Variants in CCDC30 observed in about 807,000 individuals in gnomAD.
The protein encoded by CCDC30 is coiled-coil domain containing 30.
A neutral mutation model predicts 100.2 loss-of-function variants in CCDC30; 70 were observed. The observed-to-expected ratio is 0.70, with a 90% CI of 0.58 to 0.85. The LOEUF is 0.85. CCDC30 is among the 40% of genes least tolerant of loss of function. The probability of loss-of-function intolerance (pLI) is 0.00; values close to 1 mark genes in which losing one functional copy is unlikely to be tolerated. For synonymous variants in CCDC30, 233 were observed against 269.5 expected, an observed-to-expected ratio of 0.86 and a Z score of 1.33; for missense variants, 652 against 771.2, an observed-to-expected ratio of 0.85 and a Z score of 1.83.
At chr1:42,564,596 T>G (rs553505105) in intron 6 of CCDC30, among the ~76,000 whole-genome samples, 6 of 152,216 alleles carry the variant, frequency 3.9e-5, no homozygotes, top group Non-Finnish European at 5.9e-5. Flanking sequence ...TGTTGTATGT[T>G]TGTGATGTAC....
intron 10 of CCDC30, among the ~76,000 whole-genome samples, chr1:42,603,359 C>T (rs1646441772): frequency 6.6e-6 from 1 of 152,178 alleles, no homozygotes; most frequent in Non-Finnish European, 1.5e-5. Context: ...TTAATCACCT[C>T]CCAAAGGCTA....
chr1:42,632,611 T>G (rs1647060265), intron 11 of CCDC30, among the ~76,000 whole-genome samples: 1 of 150,496 alleles, frequency 6.6e-6, no homozygotes, highest in African/African-American at 2.4e-5. Flanking sequence ...AAATACAAAA[T>G]TAGCCGGGCG....
rs577561537 is a variant in CCDC30, at chr1:42,539,024, G to C, written c.457-27272G>C. 6 of 502,382 alleles carry C rather than the reference G, an allele frequency of 1.2e-5. No homozygotes were observed. The Admixed American group carries it at 2.4e-4, about 20-fold the overall frequency. 31.1% of individuals were successfully genotyped at this position (502,382 alleles called of 1,614,324 possible). Reference sequence around the variant, plus strand: ...AAACTTTGTTTTAACTACTAAGAAAGGCATCGGTCTGCCAGAAGGATAGGT... The same window carrying C: ...AAACTTTGTTTTAACTACTAAGAAACGCATCGGTCTGCCAGAAGGATAGGT... On this transcript the variant is annotated intron_variant, in intron 6 of 16. Transcript: ENST00000668663.
chr1:42,595,138 A>C (rs1646259885), intron 10 of CCDC30: 1 of 152,158 alleles, frequency 6.6e-6, no homozygotes, highest in African/African-American at 2.4e-5. Context: ...CTTGGTCAGA[A>C]GCAATATTTT....
intron 11 of CCDC30, among the ~76,000 whole-genome samples, chr1:42,617,428 A>G (rs1022632407): frequency 6.6e-6 from 1 of 152,198 alleles, no homozygotes; most frequent in African/African-American, 2.4e-5. Flanking sequence ...GTAACACCCA[A>G]TGGGTTCTAC....
intron 1 of CCDC30, chr1:42,473,397 C>A: frequency 1.4e-6 from 1 of 717,642 alleles, no homozygotes; most frequent in Non-Finnish European, 1.9e-6. Context: ...GTTTGGCTAT[C>A]ACTGTATAGT....
At chr1:42,562,812 T>C (rs1251127124) in intron 6 of CCDC30, among the ~76,000 whole-genome samples, 2 of 152,138 alleles carry the variant, frequency 1.3e-5, no homozygotes, top group African/African-American at 4.8e-5. Flanking sequence ...CAGACACTTC[T>C]CAAAAGAAGA....
chr1:42,496,691 G>T (rs1039105657), intron 4 of CCDC30, among the ~76,000 whole-genome samples: 1 of 152,110 alleles, frequency 6.6e-6, no homozygotes, highest in Non-Finnish European at 1.5e-5. Context: ...TCTAAGAACA[G>T]ATATATAAAC....
chr1:42,519,918 T>A (rs1041323101), intron 6 of CCDC30, among the ~76,000 whole-genome samples: 9 of 152,210 alleles, frequency 5.9e-5, no homozygotes, highest in African/African-American at 2.2e-4. Context: ...TTATTCATAG[T>A]ACACTCTTAA....
chr1:42,612,771 AC>A (rs767791972), intron 11 of CCDC30, among the ~76,000 whole-genome samples: 3 of 152,166 alleles, frequency 2.0e-5, no homozygotes, highest in Non-Finnish European at 4.4e-5. Flanking sequence ...TGCTTGACCA[AC>A]AGTCAGTGCC....
At chr1:42,656,665 TAAATAA>T (rs576065551), downstream of CCDC30, among the ~76,000 whole-genome samples, 320 of 152,066 alleles carry the variant, frequency 2.1e-3, 1 homozygote, top group African/African-American at 6.7e-3. Context: ...AATAATAAAA[TAAATAA>T]AAAGTGTGTC....
intron 9 of CCDC30, among the ~76,000 whole-genome samples, chr1:42,588,768 A>G (rs1217818365): frequency 6.6e-6 from 1 of 152,130 alleles, no homozygotes; most frequent in Admixed American, 6.5e-5. Flanking sequence ...GCATCTGCTG[A>G]TCTCTAAGGG....
intron 8 of CCDC30, among the ~76,000 whole-genome samples, chr1:42,580,380 G>A (rs754906789): frequency 1.5e-4 from 23 of 150,362 alleles, no homozygotes; most frequent in Admixed American, 4.6e-4. Context: ...CTTAGAAAAC[G>A]GGTGACACCC....
At chr1:42,576,994 T>TG in intron 7 of CCDC30, 26 bp from the exon 12 acceptor site, 1 of 1,521,114 alleles carries the variant, frequency 6.6e-7, no homozygotes, top group Non-Finnish European at 9.1e-7. Flanking sequence ...TTATTTGTAT[T>TG]ACTCTTACTT....
intron 15 of CCDC30, among the ~76,000 whole-genome samples, chr1:42,646,697 C>A (rs1055323415): frequency 6.6e-6 from 1 of 152,200 alleles, no homozygotes; most frequent in Non-Finnish European, 1.5e-5. Context: ...CCAGGATAAC[C>A]CCTTTGGGAC....
At chr1:42,459,762 A>C (rs1216252018), upstream of CCDC30, 1 of 1,614,084 alleles carries the variant, frequency 6.2e-7, no homozygotes, top group Non-Finnish European at 8.5e-7. Flanking sequence ...GGTGGTGGCT[A>C]ATATCCTTGA....
chr1:42,530,326 AT>A (rs1443564612), intron 6 of CCDC30, among the ~76,000 whole-genome samples: 2 of 152,170 alleles, frequency 1.3e-5, no homozygotes, highest in Non-Finnish European at 2.9e-5. Flanking sequence ...ATTACAGTAT[AT>A]TTTTATTATT....
At chr1:42,597,345 C>CA (rs1557432329) in intron 10 of CCDC30, among the ~76,000 whole-genome samples, 1 of 151,916 alleles carries the variant, frequency 6.6e-6, no homozygotes, top group Non-Finnish European at 1.5e-5. Flanking sequence ...GATAAATGCC[C>CA]AAAAAACTAC....
chr1:42,537,307 C>G (rs781089717), intron 6 of CCDC30: 3 of 454,946 alleles, frequency 6.6e-6, no homozygotes, highest in South Asian at 4.7e-5. Flanking sequence ...TCATGGAAGT[C>G]TAAATCAGTA....
Sources: allele counts gnomAD v4.1 joint callset (sites outside exome capture counted in the v4.1 genomes callset), GRCh38; gene constraint gnomAD v4.1.1; transcripts MANE v1.5; gene names NCBI Gene and HGNC (gene_info 2026-07-23, HGNC 2026-07-21).